Variants in ASXL2 observed in about 807,000 individuals in gnomAD.
The protein encoded by ASXL2 is putative Polycomb group protein ASXL2.
A neutral mutation model predicts 122.0 loss-of-function variants in ASXL2; 23 were observed. That is an observed-to-expected ratio of 0.19 (90% CI 0.14 to 0.27). ASXL2 has a LOEUF of 0.27. ASXL2 is among the 10% of genes least tolerant of loss of function. The pLI is 1.00. For missense variants in ASXL2, 1,518 were observed against 1,713.8 expected, an observed-to-expected ratio of 0.89 and a Z score of 2.02; for synonymous variants, 650 against 637.0, an observed-to-expected ratio of 1.02 and a Z score of -0.31.
intron 5 of ASXL2, among the ~76,000 whole-genome samples, chr2:25,793,048 T>A (rs910881494): frequency 3.4e-5 from 5 of 147,118 alleles, no homozygotes; most frequent in African/African-American, 1.3e-4. Flanking sequence ...AGGCCAGGAG[T>A]TTGAGACCAG....
rs766996744 is a variant in ASXL2, at chr2:25,743,425, G to A, written c.2912C>T (p.Pro971Leu). ...CGTTTTCATTTCAACTTTGGTGAGA[G>A]GTTTAGGCAGAATTTGCTCCATGGG... The part of the protein sequence containing the change: ...DVPMEQILPK[P>L]LTKVEMKTVP... The change falls in exon 13 of 13, where the codon CCT (proline) becomes CTT (leucine). Residue 971 changes from proline (P) to leucine (L), a missense_variant. Coordinates refer to ENST00000435504, the MANE Select transcript of ASXL2 (RefSeq NM_018263.6). 7.4e-6 allele frequency: 12 copies of A among 1,613,754 alleles called. No homozygotes were observed. In the South Asian group the frequency reaches 9.9e-5, roughly 13 times the overall value.
chr2:25,774,713 A>G (rs2088517904), intron 5 of ASXL2, among the ~76,000 whole-genome samples: 1 of 152,220 alleles, frequency 6.6e-6, no homozygotes, highest in African/African-American at 2.4e-5. Flanking sequence ...TTGGGGGTAT[A>G]TATGTAGTAG....
chr2:25,838,451 T>C (rs2089538915), intron 2 of ASXL2, among the ~76,000 whole-genome samples: 1 of 152,362 alleles, frequency 6.6e-6, no homozygotes, highest in East Asian at 1.9e-4. Flanking sequence ...ATAAGAACTA[T>C]AGAAGTGTAT....
chr2:25,870,412 A>C (rs2089954109), intron 1 of ASXL2, among the ~76,000 whole-genome samples: 1 of 152,104 alleles, frequency 6.6e-6, no homozygotes, highest in Admixed American at 6.5e-5. Flanking sequence ...AGTCCCAGCT[A>C]CTCGGGAGGA....
intron 11 of ASXL2, 126 bp downstream of exon 11, chr2:25,753,408 A>C (rs573521860): frequency 1.3e-4 from 80 of 630,184 alleles, no homozygotes; most frequent in African/African-American, 1.3e-3. Context: ...ACAAAAAAAA[A>C]AACAAAATAA....
intron 1 of ASXL2, among the ~76,000 whole-genome samples, chr2:25,853,097 C>T (rs1043363696): frequency 1.3e-5 from 2 of 152,186 alleles, no homozygotes; most frequent in Non-Finnish European, 2.9e-5. Context: ...TCCCCCTTTC[C>T]ACCATGAGTG....
intron 3 of ASXL2, among the ~76,000 whole-genome samples, chr2:25,824,269 A>C (rs1190418530): frequency 6.6e-6 from 1 of 152,224 alleles, no homozygotes; most frequent in African/African-American, 2.4e-5. Flanking sequence ...CAGGAAAAAA[A>C]ATATGGAAAA....
intron 12 of ASXL2, among the ~76,000 whole-genome samples, chr2:25,749,420 T>C (rs1311922652): frequency 1.3e-5 from 2 of 152,210 alleles, no homozygotes; most frequent in Non-Finnish European, 2.9e-5. Flanking sequence ...TGAGATCAGG[T>C]GCCTCTGAGC....
At chr2:25,811,897 A>G (rs140187563) in intron 3 of ASXL2, among the ~76,000 whole-genome samples, 2,980 of 152,018 alleles carry the variant, frequency 0.02, 44 homozygotes, top group Middle Eastern at 0.048. Context: ...GATTAGAGGC[A>G]CACACCACCA....
intron 1 of ASXL2, among the ~76,000 whole-genome samples, chr2:25,871,743 C>G (rs969151176): frequency 6.6e-6 from 1 of 152,206 alleles, no homozygotes; most frequent in Non-Finnish European, 1.5e-5. Flanking sequence ...AGGCATGCGC[C>G]ACCCACACCT....
intron 3 of ASXL2, among the ~76,000 whole-genome samples, chr2:25,830,316 C>G (rs1182595275): frequency 6.6e-6 from 1 of 152,200 alleles, no homozygotes; most frequent in East Asian, 1.9e-4. Context: ...AACACTGAGA[C>G]AGATGTGAAA....
At chr2:25,799,095 G>A (rs565048609) in intron 5 of ASXL2, among the ~76,000 whole-genome samples, 47 of 152,122 alleles carry the variant, frequency 3.1e-4, no homozygotes, top group Non-Finnish European at 5.0e-4. Context: ...ATTTTATTGT[G>A]AACCTGAAAC....
chr2:25,749,955 T>G lies in ASXL2; in HGVS notation c.1601A>C (p.Glu534Ala). The G allele has an allele frequency of 3.7e-6, 6 of 1,614,016 alleles. No individual in the cohort carries two copies. The highest frequency in any genetic ancestry group is 5.1e-6 in the Non-Finnish European group (6 of 1,179,890). ...SPSKPKSPGV[E>A]KPIVKPTAGA... ...TGCTGTGGGCTTCACTATTGGTTTTTCAACCCCAGGACTCTTGGGTTTGCT... is the reference window on the plus strand; with the variant it reads ...TGCTGTGGGCTTCACTATTGGTTTTGCAACCCCAGGACTCTTGGGTTTGCT... The change falls in exon 12 of 13, where the codon GAA (glutamate) becomes GCA (alanine). Residue 534 changes from glutamate to alanine, a missense_variant. Physicochemically the swap from Glu to Ala is moderately radical, Grantham distance 107. This residue lies in a region of ASXL2 where 292 missense variants were observed against 293.5 expected (regional missense o/e 1.00). Transcript: ENST00000435504.
chr2:25,762,938 C>T (rs2088280112), intron 8 of ASXL2, among the ~76,000 whole-genome samples: 2 of 152,078 alleles, frequency 1.3e-5, no homozygotes, highest in African/African-American at 4.8e-5. Context: ...AGCTGTTATA[C>T]ATTTATTAAC....
rs879348817 is a variant in ASXL2, at chr2:25,862,766, AT to A, written c.57+15399del. On this transcript the variant is annotated intron_variant, in intron 1 of 12. Coordinates refer to ENST00000435504, the MANE Select transcript of ASXL2 (RefSeq NM_018263.6). The stretch of plus-strand genomic sequence containing the variant: ...AGGTACAAACCACCATGCCCTGCTA[AT>A]TTTTTTTTTTTTACTTTCAGTAGAC... Among the ~76,000 whole-genome samples, 345 of 144,642 alleles carry A rather than the reference AT, an allele frequency of 2.4e-3. 1 individual carries two copies. The highest frequency in any genetic ancestry group is 3.6e-3 in the Middle Eastern group (1 of 280). 94.9% of individuals were successfully genotyped at this position (144,642 alleles called of 152,430 possible).
chr2:25,752,952 A>G (rs1283847410), intron 11 of ASXL2, among the ~76,000 whole-genome samples: 10 of 151,430 alleles, frequency 6.6e-5, no homozygotes, highest in Admixed American at 5.3e-4. Context: ...CTCTTAATTC[A>G]AAGTTTTTTT....
chr2:25,806,407 C>T (rs2089083076), intron 3 of ASXL2, 70 bp from the exon 4 acceptor site: 2 of 1,018,274 alleles, frequency 2.0e-6, no homozygotes, highest in African/African-American at 1.6e-5. Flanking sequence ...TCCTATGTAA[C>T]ACTCAAAATA....
At chr2:25,753,775 C>T in intron 10 of ASXL2, 136 bp from the exon 11 acceptor site, 1 of 680,520 alleles carries the variant, frequency 1.5e-6, no homozygotes, top group Non-Finnish European at 2.5e-6. Flanking sequence ...CAAACCTCCT[C>T]ACTGTAAAGG....
chr2:25,744,191 C>T lies in ASXL2; in HGVS notation c.2146G>A (p.Gly716Ser), dbSNP rs763782415. 6.2e-7 allele frequency: 1 copy of T among 1,614,028 alleles called. No homozygotes were observed. Residue 716 changes from glycine to serine, a missense_variant, in exon 13 of 13, where the codon GGC becomes AGC. Gly to Ser is a moderately conservative substitution (Grantham distance 56). This residue lies in a region of ASXL2 where 48 missense variants were observed against 82.1 expected (regional missense o/e 0.58). Transcript: ENST00000435504. The surrounding 1 kb of genome is among the most constrained non-coding windows in gnomAD (Gnocchi z 4.7). ...EGQTARGGSPGSDRVSETGKG... is the reference protein window; with the variant it reads ...EGQTARGGSPSSDRVSETGKG... The stretch of plus-strand genomic sequence containing the variant: ...CCAGTTTCACTGACTCTGTCTGAGC[C>T]TGGACTGCCTCCTCTAGCAGTCTGC...
Sources: gnomAD v4.1 joint callset for allele counts (sites outside exome capture counted in the v4.1 genomes callset) on GRCh38, gnomAD v4.1.1 for gene constraint, gnomAD v4.1.1 regional missense constraint, Gnocchi (gnomAD v3.1) non-coding constraint, MANE v1.5 for transcripts, NCBI Gene and HGNC (gene_info 2026-07-23, HGNC 2026-07-21) for gene names.